The following ZNF385B variants were observed in gnomAD, a reference collection of about 807,000 sequenced individuals.
ZNF385B encodes the protein zinc finger protein 533.
A neutral mutation model predicts 39.2 loss-of-function variants in ZNF385B; 23 were observed. The ratio of observed to expected loss-of-function variants is 0.59; its 90% CI spans 0.42 to 0.83. The LOEUF is 0.83. Ranked by LOEUF, ZNF385B falls within the 40% of genes least tolerant of loss-of-function variation. ZNF385B has a pLI of 0.00. For synonymous variants in ZNF385B, 205 were observed against 222.6 expected (o/e 0.92, Z 0.70); for missense variants, 552 against 598.9 (o/e 0.92, Z 0.82).
chr2:179,458,154 C>T (rs567849610), intron 6 of ZNF385B, among the ~76,000 whole-genome samples: 23 of 152,216 alleles, frequency 1.5e-4, no homozygotes, highest in Non-Finnish European at 2.5e-4. Flanking sequence ...TTGGCTGTGT[C>T]GCCACCCAAT....
chr2:179,617,273 C>G (rs7581924), intron 3 of ZNF385B, among the ~76,000 whole-genome samples: 23,040 of 152,180 alleles, frequency 0.15, 2,084 homozygotes, highest in Middle Eastern at 0.23. Context: ...AAGGCAGGGA[C>G]TGATGCTGCA....
chr2:179,822,408 T>A (rs1441901716), intron 1 of ZNF385B, among the ~76,000 whole-genome samples: 1 of 152,260 alleles, frequency 6.6e-6, no homozygotes, highest in African/African-American at 2.4e-5. Context: ...AATACTACCA[T>A]TTAATGATGG....
intron 1 of ZNF385B, among the ~76,000 whole-genome samples, chr2:179,807,901 AG>A: frequency 1.9e-5 from 1 of 51,778 alleles, no homozygotes. Context: ...TCTGAAAGAA[AG>A]AAAGAAAGAA....
In ZNF385B at chr2:179,745,770, C is replaced by T. The variant is rs201256881; in HGVS notation, c.298+23733G>A. On this transcript the variant is annotated intron_variant, in intron 3 of 9. Coordinates refer to ENST00000410066, the MANE Select transcript of ZNF385B (RefSeq NM_152520.6). ...GGGCTCTCACCAGCTTCAAGAGCAA[C>T]CAAGTTGGATAAACAAAACTTCCAG... The T allele has an allele frequency of 6.3e-4, 969 of 1,534,182 alleles. 5 individuals carry two copies. Among genetic ancestry groups the T allele is most frequent in the Non-Finnish European group, 4.3e-4 (490 of 1,138,974 alleles).
At chr2:179,748,696 C>CA (rs886801526) in intron 3 of ZNF385B, among the ~76,000 whole-genome samples, 7 of 152,078 alleles carry the variant, frequency 4.6e-5, no homozygotes, top group Admixed American at 1.3e-4. Flanking sequence ...CAAATGTTCT[C>CA]AAAAAACAAG....
intron 3 of ZNF385B, among the ~76,000 whole-genome samples, chr2:179,625,299 A>G (rs927486989): frequency 6.6e-6 from 1 of 152,122 alleles, no homozygotes. Flanking sequence ...GTTCAGATGC[A>G]AGAATAAGAC....
intron 3 of ZNF385B, among the ~76,000 whole-genome samples, chr2:179,602,183 A>G (rs537501946): frequency 6.6e-6 from 1 of 152,342 alleles, no homozygotes; most frequent in Non-Finnish European, 1.5e-5. Flanking sequence ...GAATTAGACT[A>G]TTTGTATGAG....
intron 3 of ZNF385B, among the ~76,000 whole-genome samples, chr2:179,713,566 C>G (rs188917145): frequency 8.5e-5 from 13 of 152,298 alleles, no homozygotes; most frequent in Admixed American, 6.5e-4. Context: ...TTCACAGTAC[C>G]TATCACATAA....
intron 3 of ZNF385B, among the ~76,000 whole-genome samples, chr2:179,719,639 C>T (rs1005331585): frequency 3.3e-5 from 5 of 152,178 alleles, no homozygotes; most frequent in African/African-American, 1.2e-4. Flanking sequence ...ATTTTAACTG[C>T]CACCAGGTTT....
intron 1 of ZNF385B, among the ~76,000 whole-genome samples, chr2:179,777,370 A>G (rs1269143017): frequency 6.6e-6 from 1 of 152,190 alleles, no homozygotes; most frequent in Non-Finnish European, 1.5e-5. Context: ...AAAGCTATTA[A>G]TTTCATGAAA....
intron 5 of ZNF385B, among the ~76,000 whole-genome samples, chr2:179,502,141 C>T (rs1278149052): frequency 6.6e-6 from 1 of 152,314 alleles, no homozygotes; most frequent in Middle Eastern, 3.4e-3. Flanking sequence ...AATTCCTGTA[C>T]TTCCACTGTA....
chr2:179,608,553 C>T (rs1689016169), intron 3 of ZNF385B, among the ~76,000 whole-genome samples: 2 of 152,144 alleles, frequency 1.3e-5, no homozygotes, highest in Admixed American at 1.3e-4. Context: ...CCTATTTTTA[C>T]TCTCCTGGGC....
intron 3 of ZNF385B, among the ~76,000 whole-genome samples, chr2:179,736,031 T>TAA (rs372732920): frequency 2.0e-5 from 3 of 151,266 alleles, no homozygotes; most frequent in Non-Finnish European, 4.4e-5. Context: ...AGTATAATAA[T>TAA]AAAAAAAAGC....
chr2:179,470,534 A>G (rs2052636922), intron 6 of ZNF385B, among the ~76,000 whole-genome samples: 1 of 152,074 alleles, frequency 6.6e-6, no homozygotes, highest in East Asian at 1.9e-4. Context: ...CCACTCAGGG[A>G]GAAGGAACCC....
intron 3 of ZNF385B, among the ~76,000 whole-genome samples, chr2:179,606,483 C>T (rs1423591257): frequency 6.6e-6 from 1 of 152,006 alleles, no homozygotes; most frequent in Non-Finnish European, 1.5e-5. Flanking sequence ...CATATTTATC[C>T]CCTTTTGGTC....
chr2:179,702,455 G>C (rs909050402), intron 3 of ZNF385B, among the ~76,000 whole-genome samples: 1 of 152,092 alleles, frequency 6.6e-6, no homozygotes, highest in African/African-American at 2.4e-5. Context: ...AATTCATTTA[G>C]AGTCATCTGG....
At chr2:179,598,805 A>G (rs1407652785) in intron 3 of ZNF385B, among the ~76,000 whole-genome samples, 1 of 152,172 alleles carries the variant, frequency 6.6e-6, no homozygotes, top group African/African-American at 2.4e-5. Flanking sequence ...TAAAAATATT[A>G]GCCTTAACTT....
chr2:179,625,692 T>C (rs1575018811), intron 3 of ZNF385B, among the ~76,000 whole-genome samples: 1 of 152,100 alleles, frequency 6.6e-6, no homozygotes, highest in East Asian at 1.9e-4. Context: ...TCTTGAAATG[T>C]AATTGAGATA....
chr2:179,517,767 G>A (rs2058193211), intron 5 of ZNF385B, among the ~76,000 whole-genome samples: 1 of 151,952 alleles, frequency 6.6e-6, no homozygotes, highest in African/African-American at 2.4e-5. Flanking sequence ...TTCTAATATT[G>A]TTTATTTTGC....
Sources: allele counts gnomAD v4.1 joint callset (sites outside exome capture counted in the v4.1 genomes callset), GRCh38; gene constraint gnomAD v4.1.1; transcripts MANE v1.5; gene names NCBI Gene and HGNC (gene_info 2026-07-23, HGNC 2026-07-21).